The following ATAD2B variants were observed in gnomAD, a reference collection of about 807,000 sequenced individuals.
ATAD2B encodes ATPase family AAA domain-containing protein 2B.
In ATAD2B, 40 loss-of-function variants were observed where a neutral mutation model predicts 167.6. The ratio of observed to expected loss-of-function variants is 0.24; its 90% CI spans 0.19 to 0.31. ATAD2B has a LOEUF of 0.31. Ranked by LOEUF, ATAD2B falls within the 10% of genes least tolerant of loss-of-function variation. The probability of loss-of-function intolerance (pLI) is 1.00; values close to 1 mark genes in which losing one functional copy is unlikely to be tolerated. For missense variants in ATAD2B, 1,242 were observed against 1,757.2 expected (o/e 0.71, Z 5.24); for synonymous variants, 579 against 596.5 (o/e 0.97, Z 0.43).
intron 18 of ATAD2B, among the ~76,000 whole-genome samples, chr2:23,801,469 T>C (rs1258937510): frequency 6.6e-6 from 1 of 151,622 alleles, no homozygotes; most frequent in Non-Finnish European, 1.5e-5. Context: ...GATTGGTGGA[T>C]GTGCAAGGTG....
intron 18 of ATAD2B, among the ~76,000 whole-genome samples, chr2:23,810,012 C>T (rs892987627): frequency 1.3e-5 from 2 of 152,096 alleles, no homozygotes; most frequent in Non-Finnish European, 2.9e-5. Flanking sequence ...TGCTCTGAGA[C>T]CACAACTTTG....
rs1698536424 is a variant in ATAD2B, at chr2:23,885,502, G to A, written c.675+225C>T. On this transcript the variant is annotated intron_variant, in intron 5 of 27. Coordinates refer to ENST00000238789, the MANE Select transcript of ATAD2B (RefSeq NM_017552.4). Reference sequence around the variant, plus strand: ...TAACAGAATCACAGTTGCACTTTAAGGTGACTCATCCAGCAAAAGTGAAGA... The same window carrying A: ...TAACAGAATCACAGTTGCACTTTAAAGTGACTCATCCAGCAAAAGTGAAGA... Among the ~76,000 whole-genome samples, 3 of 152,178 alleles carry A rather than the reference G, an allele frequency of 2.0e-5. No homozygotes were observed. The South Asian group carries it at 6.2e-4, about 32-fold the overall frequency.
intron 18 of ATAD2B, among the ~76,000 whole-genome samples, chr2:23,808,005 T>C (rs1684796496): frequency 1.1e-5 from 1 of 93,248 alleles, no homozygotes; most frequent in Non-Finnish European, 2.1e-5. Flanking sequence ...AGCACAGTAA[T>C]TTATATATAT....
At position 23,821,320 on chromosome 2, in the gene ATAD2B, T is replaced by C. The variant is rs556311174; in HGVS notation, c.2132-1438A>G. On this transcript the variant is annotated intron_variant, in intron 16 of 27. Transcript: ENST00000238789. ...AAAGGAAAGATGAGGTTTTTATGAT[T>C]TTCTAAAGGTGACGTAAGTTTTTTG... Among the ~76,000 whole-genome samples the C allele has an allele frequency of 2.0e-5, 3 of 152,340 alleles. No homozygotes were observed. In the South Asian group the frequency reaches 6.2e-4, roughly 32 times the overall value.
chr2:23,841,303 C>A (rs1221680017), intron 13 of ATAD2B, among the ~76,000 whole-genome samples: 1 of 152,014 alleles, frequency 6.6e-6, no homozygotes, highest in African/African-American at 2.4e-5. Context: ...TTTACATGCA[C>A]AGTAATGCTT....
chr2:23,837,875 G>A (rs1172548020), intron 13 of ATAD2B, among the ~76,000 whole-genome samples: 1 of 152,128 alleles, frequency 6.6e-6, no homozygotes, highest in Non-Finnish European at 1.5e-5. Flanking sequence ...GCATATTTTA[G>A]AGTAGTTTTT....
At chr2:23,776,469 A>C (rs1395593176) in intron 22 of ATAD2B, among the ~76,000 whole-genome samples, 1 of 152,224 alleles carries the variant, frequency 6.6e-6, no homozygotes, top group Non-Finnish European at 1.5e-5. Context: ...TCTAGCCTTA[A>C]ACAGGATTTA....
intron 19 of ATAD2B, among the ~76,000 whole-genome samples, chr2:23,797,506 G>T (rs1682807574): frequency 6.6e-6 from 1 of 152,084 alleles, no homozygotes; most frequent in African/African-American, 2.4e-5. Flanking sequence ...CAGATGATAA[G>T]GATGAAAAGG....
rs1221542397 is a variant in ATAD2B, at chr2:23,757,905, C to T, written c.3591G>A (p.Glu1197=). 6.9e-6 allele frequency: 11 copies of T among 1,604,456 alleles called. No homozygotes were observed. Among genetic ancestry groups the T allele is most frequent in the Non-Finnish European group, 9.3e-6 (11 of 1,177,528 alleles). Residue 1197 remains glutamate, a synonymous_variant, in exon 25 of 28, where the codon GAG becomes GAA. Transcript: ENST00000238789. Reference sequence around the variant, plus strand: ...CATTGGTCATAGATAAGTCTCCAGTCTCTTCTCCATTTTCCTCATGGCAGT... The same window carrying T: ...CATTGGTCATAGATAAGTCTCCAGTTTCTTCTCCATTTTCCTCATGGCAGT... ...STDCHEENGE[E]TGDLSMTNDE... is the part of the protein sequence containing the mutation.
the ATAD2B span, among the ~76,000 whole-genome samples, chr2:23,713,592 G>A: frequency 4.0e-5 from 6 of 150,964 alleles, no homozygotes; most frequent in Non-Finnish European, 7.4e-5. Flanking sequence ...CCCTAACCCC[G>A]GGCAACCACT....
chr2:23,732,691 C>A, the ATAD2B span, among the ~76,000 whole-genome samples: 1 of 152,162 alleles, frequency 6.6e-6, no homozygotes, highest in East Asian at 1.9e-4. Flanking sequence ...CCCAAACTTA[C>A]CATCTCTATC....
the ATAD2B span, chr2:23,695,718 A>C: frequency 6.4e-7 from 1 of 1,551,650 alleles, no homozygotes; most frequent in Non-Finnish European, 8.7e-7. This position sits in a 1 kb window ranked among gnomAD's most constrained non-coding sequence, Gnocchi z 7.6. Context: ...TCAAGTCATC[A>C]GAAGCCTGCC....
At chr2:23,875,271 G>A (rs1413840562) in intron 8 of ATAD2B, among the ~76,000 whole-genome samples, 3 of 151,984 alleles carry the variant, frequency 2.0e-5, no homozygotes, top group Non-Finnish European at 4.4e-5. Context: ...AGAGGCCAAG[G>A]CAGGGGGTTC....
chr2:23,685,093 C>T, the ATAD2B span, among the ~76,000 whole-genome samples: 4,975 of 152,358 alleles, frequency 0.033, 102 homozygotes, highest in South Asian at 0.085. Flanking sequence ...CACTGCATGT[C>T]TGATCCTTGT....
intron 14 of ATAD2B, chr2:23,832,274 T>C (rs1689177478): frequency 2.1e-6 from 1 of 466,880 alleles, no homozygotes; most frequent in Admixed American, 2.4e-5. Context: ...TTAAAAACTA[T>C]TTAAGGGAAA....
intron 12 of ATAD2B, among the ~76,000 whole-genome samples, chr2:23,857,947 G>C (rs2675365): frequency 1.3e-5 from 2 of 151,458 alleles, no homozygotes; most frequent in Admixed American, 6.6e-5. Flanking sequence ...GTTTCACCAC[G>C]TTAGTCAGGA....
the ATAD2B span, among the ~76,000 whole-genome samples, chr2:23,698,319 C>T: frequency 6.6e-6 from 1 of 152,218 alleles, no homozygotes; most frequent in Non-Finnish European, 1.5e-5. Flanking sequence ...CTTGAAGACC[C>T]CTGGGCAGTG....
chr2:23,856,237 TA>T (rs1408502773), intron 13 of ATAD2B: 1 of 171,850 alleles, frequency 5.8e-6, no homozygotes, highest in African/African-American at 2.4e-5. Flanking sequence ...AAACTTGGGA[TA>T]TTTTTCAGAT....
At chr2:23,829,276 C>A (rs1248472276) in intron 14 of ATAD2B, among the ~76,000 whole-genome samples, 2 of 152,218 alleles carry the variant, frequency 1.3e-5, no homozygotes, top group African/African-American at 2.4e-5. Flanking sequence ...TTCCACCATA[C>A]CACTTTTACT....
Sources: gnomAD v4.1 joint callset for allele counts (sites outside exome capture counted in the v4.1 genomes callset) on GRCh38, gnomAD v4.1.1 for gene constraint, Gnocchi (gnomAD v3.1) non-coding constraint, MANE v1.5 for transcripts, NCBI Gene and HGNC (gene_info 2026-07-23, HGNC 2026-07-21) for gene names.